The following ADK variants were observed in gnomAD, a reference collection of about 807,000 sequenced individuals.
ADK encodes the protein adenosine kinase.
In ADK, 24 loss-of-function variants were observed where a neutral mutation model predicts 44.7. That is an observed-to-expected ratio of 0.54 (90% CI 0.39 to 0.76). ADK has a LOEUF of 0.76. Ranked by LOEUF, ADK falls within the 30% of genes least tolerant of loss-of-function variation. The probability of loss-of-function intolerance (pLI) is 0.00; values close to 1 mark genes in which losing one functional copy is unlikely to be tolerated. For missense variants in ADK, 321 were observed against 425.1 expected (o/e 0.76, Z 2.15); for synonymous variants, 128 against 142.6 (o/e 0.90, Z 0.73).
At chr10:74,394,394 A>C (rs1202029545) in intron 5 of ADK, 81 bp downstream of exon 5, 2 of 1,348,278 alleles carry the variant, frequency 1.5e-6, no homozygotes, top group Non-Finnish European at 2.1e-6. Context: ...GTGAATTTGG[A>C]ATTTTGACTT....
intron 6 of ADK, among the ~76,000 whole-genome samples, chr10:74,515,120 T>C (rs1848512250): frequency 1.3e-5 from 2 of 152,238 alleles, no homozygotes; most frequent in Admixed American, 6.5e-5. Flanking sequence ...TTTAATTTTA[T>C]GGAATAGATT....
intron 2 of ADK, among the ~76,000 whole-genome samples, chr10:74,204,297 T>C (rs1472504261): frequency 6.6e-6 from 1 of 152,172 alleles, no homozygotes; most frequent in African/African-American, 2.4e-5. Flanking sequence ...TAGTAGGTTT[T>C]CAGTGCATAA....
chr10:74,448,768 G>T (rs115225279), intron 6 of ADK, among the ~76,000 whole-genome samples: 1 of 151,792 alleles, frequency 6.6e-6, no homozygotes, highest in East Asian at 1.9e-4. Flanking sequence ...ACCAGTTCTC[G>T]CTTATATACA....
At chr10:74,545,320 G>T (rs569175836) in intron 7 of ADK, among the ~76,000 whole-genome samples, 1 of 152,066 alleles carries the variant, frequency 6.6e-6, no homozygotes, top group Non-Finnish European at 1.5e-5. Context: ...ATGTTTTCAC[G>T]TATGGAGTTC....
At chr10:74,334,628 T>C (rs1841345738) in intron 4 of ADK, among the ~76,000 whole-genome samples, 1 of 152,180 alleles carries the variant, frequency 6.6e-6, no homozygotes, top group Non-Finnish European at 1.5e-5. Flanking sequence ...AATCCCAGTC[T>C]CCATAATTTT....
rs529924167 is a variant in ADK, at chr10:74,180,778, C to T, written c.66-19986C>T. On this transcript the variant is annotated intron_variant, in intron 1 of 10. Coordinates refer to ENST00000539909, the MANE Select transcript of ADK (RefSeq NM_006721.4). ...CGGCTGGCCATGCTAGTCTTGAATTCCTGACGTCGTGATCCCCCCACTTCG... is the reference window on the plus strand; with the variant it reads ...CGGCTGGCCATGCTAGTCTTGAATTTCTGACGTCGTGATCCCCCCACTTCG... Among the ~76,000 whole-genome samples, 669 of 152,190 alleles carry T rather than the reference C, an allele frequency of 4.4e-3. 8 individuals are homozygous for T. Among genetic ancestry groups the T allele is most frequent in the Non-Finnish European group, 7.2e-3 (487 of 68,010 alleles).
At chr10:74,342,406 ATTCTT>A (rs1841609638) in intron 4 of ADK, among the ~76,000 whole-genome samples, 2 of 152,296 alleles carry the variant, frequency 1.3e-5, no homozygotes, top group Admixed American at 1.3e-4. Flanking sequence ...TGTAAGTGGA[ATTCTT>A]TTCTTAATTT....
intron 3 of ADK, among the ~76,000 whole-genome samples, chr10:74,229,608 A>G (rs1405087766): frequency 6.6e-6 from 1 of 152,094 alleles, no homozygotes; most frequent in Non-Finnish European, 1.5e-5. Flanking sequence ...CGTGTTAGCC[A>G]GGATGGTCTT....
chr10:74,330,977 C>T (rs373225270), intron 4 of ADK, among the ~76,000 whole-genome samples: 1 of 152,002 alleles, frequency 6.6e-6, no homozygotes, highest in East Asian at 1.9e-4. Flanking sequence ...GTTTTTAATC[C>T]CTCTTTTCTG....
At chr10:74,584,743 C>T (rs1851475897) in intron 7 of ADK, among the ~76,000 whole-genome samples, 1 of 152,104 alleles carries the variant, frequency 6.6e-6, no homozygotes, top group African/African-American at 2.4e-5. Context: ...CCTAAAACTA[C>T]ACTTAGGAGG....
At chr10:74,447,342 G>A (rs894608235) in intron 6 of ADK, among the ~76,000 whole-genome samples, 3 of 152,088 alleles carry the variant, frequency 2.0e-5, no homozygotes, top group Non-Finnish European at 4.4e-5. Flanking sequence ...GTAAATAAGG[G>A]TTGTTTAGTA....
chr10:74,394,484 A>G (rs540396557), intron 5 of ADK, among the ~76,000 whole-genome samples, 171 bp downstream of exon 5: 2 of 152,308 alleles, frequency 1.3e-5, no homozygotes, highest in East Asian at 3.9e-4. Flanking sequence ...ACTTTTGTTA[A>G]ACATGCAGTT....
intron 6 of ADK, among the ~76,000 whole-genome samples, chr10:74,503,745 A>T (rs1029729493): frequency 6.6e-6 from 1 of 152,170 alleles, no homozygotes; most frequent in African/African-American, 2.4e-5. Context: ...GTTTAAGTTG[A>T]TGGAGAAGGA....
At chr10:74,673,449 C>A (rs1014518568) in intron 10 of ADK, among the ~76,000 whole-genome samples, 1 of 152,190 alleles carries the variant, frequency 6.6e-6, no homozygotes, top group Non-Finnish European at 1.5e-5. Context: ...TTCACTCACT[C>A]GCTTCTCCAC....
At chr10:74,344,537 T>G (rs1403298422) in intron 4 of ADK, 1 of 238,892 alleles carries the variant, frequency 4.2e-6, no homozygotes, top group East Asian at 1.1e-4. Context: ...AATCTAGGAC[T>G]TCTCTATCAT....
At chr10:74,437,886 T>C (rs1845239779) in intron 6 of ADK, among the ~76,000 whole-genome samples, 1 of 152,190 alleles carries the variant, frequency 6.6e-6, no homozygotes, top group Admixed American at 6.5e-5. Flanking sequence ...TTCTTTCTCA[T>C]TGATTATTCC....
At chr10:74,671,238 C>G (rs1345179180) in intron 10 of ADK, among the ~76,000 whole-genome samples, 1 of 147,178 alleles carries the variant, frequency 6.8e-6, no homozygotes, top group African/African-American at 2.5e-5. Context: ...TTTTTTTTCT[C>G]CCAGGCTGGT....
At chr10:74,374,023 C>T (rs1417774015) in intron 4 of ADK, among the ~76,000 whole-genome samples, 2 of 152,100 alleles carry the variant, frequency 1.3e-5, no homozygotes, top group African/African-American at 4.8e-5. Flanking sequence ...TGAAGGAAGC[C>T]AGTCATAAAA....
chr10:74,591,370 G>C (rs1357419831), intron 8 of ADK, among the ~76,000 whole-genome samples: 1 of 152,122 alleles, frequency 6.6e-6, no homozygotes, highest in South Asian at 2.1e-4. Flanking sequence ...GATATTGACA[G>C]TGATATGTTA....
Sources: gnomAD v4.1 joint callset for allele counts (sites outside exome capture counted in the v4.1 genomes callset) on GRCh38, gnomAD v4.1.1 for gene constraint, MANE v1.5 for transcripts, NCBI Gene and HGNC (gene_info 2026-07-23, HGNC 2026-07-21) for gene names.